GRIN2B: variants seen among roughly 807,000 people sequenced by gnomAD.
GRIN2B encodes glutamate receptor ionotropic, NMDA 2B.
GRIN2B carries 5 observed loss-of-function variants against 114.5 expected under a neutral mutation model. The observed-to-expected ratio is 0.04, with a 90% CI of 0.02 to 0.09. The LOEUF is 0.09. Ranked by LOEUF, GRIN2B falls within the 10% of genes least tolerant of loss-of-function variation. The pLI is 1.00. For missense variants in GRIN2B, 1,108 were observed against 1,943.5 expected (o/e 0.57, Z 8.08); for synonymous variants, 787 against 745.1 (o/e 1.06, Z -0.92).
At chr12:13,634,924 A>C (rs1949654814) in intron 5 of GRIN2B, among the ~76,000 whole-genome samples, 1 of 152,220 alleles carries the variant, frequency 6.6e-6, no homozygotes, top group African/African-American at 2.4e-5. Flanking sequence ...GCCCATTCCA[A>C]GGATGAGCAT....
intron 5 of GRIN2B, among the ~76,000 whole-genome samples, chr12:13,671,817 G>T (rs1379184034): frequency 6.6e-6 from 1 of 152,148 alleles, no homozygotes; most frequent in Non-Finnish European, 1.5e-5. Flanking sequence ...GCACTCTTCT[G>T]AAGGGTCAGA....
intron 2 of GRIN2B, among the ~76,000 whole-genome samples, chr12:13,979,391 G>A (rs1591651367): frequency 1.3e-5 from 2 of 151,946 alleles, no homozygotes; most frequent in East Asian, 3.9e-4. Context: ...ACAGCAAGTG[G>A]ATTTCAGGGC....
At chr12:13,892,034 G>A (rs1462218142) in intron 2 of GRIN2B, among the ~76,000 whole-genome samples, 1 of 152,168 alleles carries the variant, frequency 6.6e-6, no homozygotes, top group Non-Finnish European at 1.5e-5. Context: ...CACTCAGCCT[G>A]GGACATGTCA....
At chr12:13,693,066 C>G (rs1281410825) in intron 4 of GRIN2B, among the ~76,000 whole-genome samples, 1 of 152,080 alleles carries the variant, frequency 6.6e-6, no homozygotes, top group South Asian at 2.1e-4. Context: ...CTGCACCCAG[C>G]CTCTAATCTT....
intron 4 of GRIN2B, among the ~76,000 whole-genome samples, chr12:13,708,795 G>C (rs911773173): frequency 6.6e-6 from 1 of 152,026 alleles, no homozygotes; most frequent in African/African-American, 2.4e-5. Context: ...GTGTACACTA[G>C]TGTTTTCTTT....
chr12:13,799,368 C>A (rs1192515102), intron 3 of GRIN2B, among the ~76,000 whole-genome samples: 1 of 152,166 alleles, frequency 6.6e-6, no homozygotes, highest in African/African-American at 2.4e-5. Context: ...CCCTCAGTCT[C>A]TTTCGCCCTT....
At chr12:13,754,967 A>G (rs1161021294) in intron 3 of GRIN2B, among the ~76,000 whole-genome samples, 1 of 152,142 alleles carries the variant, frequency 6.6e-6, no homozygotes, top group Non-Finnish European at 1.5e-5. Context: ...TGAGTCCGAA[A>G]ACACAAAATG....
intron 2 of GRIN2B, among the ~76,000 whole-genome samples, chr12:13,875,932 A>G (rs890153909): frequency 7.9e-5 from 12 of 152,224 alleles, no homozygotes; most frequent in Non-Finnish European, 2.9e-5. Context: ...CCTATCTCCA[A>G]GCAGCCATTA....
At position 13,755,652 on chromosome 12, in the gene GRIN2B, A is replaced by T. The variant is rs148081750; in HGVS notation, c.412-1737T>A. Reference sequence around the variant, plus strand: ...TGTGTATCTATTCCAAACCCTGGCCAGTCCCTGATCCTAGACTTCTCCTAC... The same window carrying T: ...TGTGTATCTATTCCAAACCCTGGCCTGTCCCTGATCCTAGACTTCTCCTAC... On this transcript the variant is annotated intron_variant, in intron 3 of 13. Coordinates refer to ENST00000609686, the MANE Select transcript of GRIN2B (RefSeq NM_000834.5). 2.8e-3 allele frequency among the ~76,000 whole-genome samples: 428 copies of T among 152,350 alleles called. 5 individuals are homozygous for T. Among genetic ancestry groups the T allele is most frequent in the African/African-American group, 9.8e-3 (407 of 41,594 alleles).
At chr12:13,924,883 T>G (rs1306023683) in intron 2 of GRIN2B, among the ~76,000 whole-genome samples, 1 of 152,128 alleles carries the variant, frequency 6.6e-6, no homozygotes, top group Non-Finnish European at 1.5e-5. Flanking sequence ...CCCTAGAGCA[T>G]AGGGTGCAAA....
intron 8 of GRIN2B, among the ~76,000 whole-genome samples, chr12:13,613,724 GT>G (rs1949396550): frequency 6.6e-6 from 1 of 152,102 alleles, no homozygotes; most frequent in Non-Finnish European, 1.5e-5. Flanking sequence ...TATAAAATGG[GT>G]ATAATAACAT....
intron 2 of GRIN2B, among the ~76,000 whole-genome samples, chr12:13,878,013 G>T (rs989208729): frequency 7.2e-6 from 1 of 138,944 alleles, no homozygotes; most frequent in Non-Finnish European, 1.5e-5. Flanking sequence ...CCAATGAGCC[G>T]AGATCGCACC....
intron 4 of GRIN2B, among the ~76,000 whole-genome samples, chr12:13,691,064 G>A (rs1203665548): frequency 6.6e-6 from 1 of 152,124 alleles, no homozygotes; most frequent in Non-Finnish European, 1.5e-5. Flanking sequence ...CAGTGGAGAA[G>A]AGGAATAATC....
At chr12:13,789,158 A>C (rs11055619) in intron 3 of GRIN2B, among the ~76,000 whole-genome samples, 72,085 of 151,890 alleles carry the variant, frequency 0.47, 17,892 homozygotes, top group Middle Eastern at 0.58. Flanking sequence ...TTATCCATAG[A>C]CTTGCATGTC....
intron 5 of GRIN2B, among the ~76,000 whole-genome samples, chr12:13,672,751 C>T (rs566302667): frequency 2.0e-5 from 3 of 152,218 alleles, no homozygotes; most frequent in Non-Finnish European, 2.9e-5. Context: ...CCCAAATGCC[C>T]TACAAAAAGA....
chr12:13,602,139 T>TCCC (rs1949169458), intron 10 of GRIN2B, among the ~76,000 whole-genome samples: 1 of 152,034 alleles, frequency 6.6e-6, no homozygotes, highest in Non-Finnish European at 1.5e-5. Flanking sequence ...GCAAGTGTCC[T>TCCC]CCCCCCTCTC....
At chr12:13,711,332 T>G (rs909779494) in intron 4 of GRIN2B, among the ~76,000 whole-genome samples, 63 of 152,134 alleles carry the variant, frequency 4.1e-4, no homozygotes, top group Non-Finnish European at 8.2e-4. Context: ...GTACTTCATG[T>G]CTAAAACACC....
intron 3 of GRIN2B, among the ~76,000 whole-genome samples, chr12:13,765,573 T>C (rs1863766810): frequency 6.6e-6 from 1 of 152,248 alleles, no homozygotes; most frequent in South Asian, 2.1e-4. Flanking sequence ...AGATTATTAC[T>C]AAGCCCACTC....
intron 2 of GRIN2B, chr12:13,977,352 C>T (rs559239636): frequency 6.6e-6 from 1 of 152,210 alleles, no homozygotes; most frequent in African/African-American, 2.4e-5. Flanking sequence ...TAACACCTAA[C>T]TCTAAACTGC....
Sources: gnomAD v4.1 joint callset for allele counts (sites outside exome capture counted in the v4.1 genomes callset) on GRCh38, gnomAD v4.1.1 for gene constraint, MANE v1.5 for transcripts, NCBI Gene and HGNC (gene_info 2026-07-23, HGNC 2026-07-21) for gene names.